Variants in DLEU7 observed in about 807,000 individuals in gnomAD.
DLEU7 encodes the protein deleted in lymphocytic leukemia 7.
In DLEU7, 17 loss-of-function variants were observed where a neutral mutation model predicts 16.0. The ratio of observed to expected loss-of-function variants is 1.06; its 90% confidence interval spans 0.73 to 1.59. DLEU7 has a LOEUF of 1.59. Ranked by LOEUF, DLEU7 falls within the 40% of genes most tolerant of loss-of-function variation. DLEU7 has a pLI of 0.00. For missense variants in DLEU7, 308 were observed against 314.9 expected (o/e 0.98, Z 0.17); for synonymous variants, 113 against 139.8 (o/e 0.81, Z 1.35).
downstream of DLEU7, among the ~76,000 whole-genome samples, chr13:50,818,995 TATG>T (rs1368586612): frequency 6.6e-6 from 1 of 152,182 alleles, no homozygotes; most frequent in African/African-American, 2.4e-5. Context: ...TATTGCAATA[TATG>T]ATAATATTCA....
At chr13:50,825,824 C>T (rs1339379529) in intron 1 of DLEU7, among the ~76,000 whole-genome samples, 3 of 152,200 alleles carry the variant, frequency 2.0e-5, no homozygotes, top group Non-Finnish European at 4.4e-5. Context: ...TTAACAGGAA[C>T]ACCTAGTGCT....
At chr13:50,802,635 T>G (rs1467555215) in intron 1 of DLEU7, among the ~76,000 whole-genome samples, 1 of 152,230 alleles carries the variant, frequency 6.6e-6, no homozygotes, top group African/African-American at 2.4e-5. Flanking sequence ...TTATTTAATT[T>G]TGAATAGGTC....
chr13:50,725,221 G>A (rs1025097768), intron 1 of DLEU7, among the ~76,000 whole-genome samples: 14 of 152,134 alleles, frequency 9.2e-5, no homozygotes, highest in African/African-American at 3.1e-4. Flanking sequence ...AGGGAATCCA[G>A]GTCCCAATCT....
At chr13:50,803,554 T>A (rs1033151083) in intron 1 of DLEU7, among the ~76,000 whole-genome samples, 4 of 152,112 alleles carry the variant, frequency 2.6e-5, no homozygotes, top group African/African-American at 9.7e-5. Context: ...AATTATAAAA[T>A]ACACACCAGA....
intron 1 of DLEU7, among the ~76,000 whole-genome samples, chr13:50,760,608 C>T (rs1874899421): frequency 6.6e-6 from 1 of 152,238 alleles, no homozygotes; most frequent in African/African-American, 2.4e-5. Flanking sequence ...AGTGATCCTT[C>T]TGCCGTGGCT....
At chr13:50,724,858 T>C (rs1873724186) in intron 1 of DLEU7, among the ~76,000 whole-genome samples, 1 of 152,164 alleles carries the variant, frequency 6.6e-6, no homozygotes, top group Admixed American at 6.5e-5. Flanking sequence ...AGAGTGACTC[T>C]GAGGGTCCCA....
chr13:50,719,334 A>G (rs943689527), intron 1 of DLEU7, among the ~76,000 whole-genome samples: 9 of 152,222 alleles, frequency 5.9e-5, no homozygotes, highest in African/African-American at 1.4e-4. Flanking sequence ...GAGTGGAAAT[A>G]TACTTATATG....
chr13:50,734,104 G>A (rs1176185986), intron 1 of DLEU7, among the ~76,000 whole-genome samples: 5 of 152,278 alleles, frequency 3.3e-5, no homozygotes, highest in Non-Finnish European at 5.9e-5. Flanking sequence ...TTTGAACAAG[G>A]AGTTCCACAT....
intron 1 of DLEU7, among the ~76,000 whole-genome samples, chr13:50,829,687 C>T (rs1014043170): frequency 6.6e-6 from 1 of 152,138 alleles, no homozygotes; most frequent in Non-Finnish European, 1.5e-5. Flanking sequence ...TACAGTATTT[C>T]CTTTTTATCC....
At chr13:50,818,626 T>G (rs966130009), downstream of DLEU7, 6 of 152,184 alleles carry the variant, frequency 3.9e-5, no homozygotes, top group African/African-American at 1.4e-4. Flanking sequence ...TGCAACAGAT[T>G]ACGGCAAACT....
intron 1 of DLEU7, chr13:50,719,860 T>G (rs1323045736): frequency 6.6e-6 from 1 of 152,200 alleles, no homozygotes; most frequent in Admixed American, 6.5e-5. Flanking sequence ...AAAGTATCTT[T>G]TACAGTCTCT....
chr13:50,832,758 C>G (rs1363198839), intron 1 of DLEU7, among the ~76,000 whole-genome samples: 1 of 152,188 alleles, frequency 6.6e-6, no homozygotes, highest in African/African-American at 2.4e-5. Flanking sequence ...CATTCAGGAG[C>G]CAGTTGTTCA....
At chr13:50,747,814 T>C (rs374807421) in intron 1 of DLEU7, among the ~76,000 whole-genome samples, 1 of 152,208 alleles carries the variant, frequency 6.6e-6, no homozygotes, top group Admixed American at 6.5e-5. Flanking sequence ...AAACAACCAA[T>C]TGCCAACTCT....
chr13:50,768,538 G>T (rs1875192635), intron 1 of DLEU7, among the ~76,000 whole-genome samples: 1 of 150,960 alleles, frequency 6.6e-6, no homozygotes, highest in African/African-American at 2.4e-5. Flanking sequence ...TGCGGTGTTT[G>T]GTTTTCTGTC....
At chr13:50,817,901 TCAAGA>T (rs143437334), downstream of DLEU7, among the ~76,000 whole-genome samples, 30,540 of 151,874 alleles carry the variant, frequency 0.2, 3,740 homozygotes, top group Non-Finnish European at 0.28. Flanking sequence ...GGAGAGCATC[TCAAGA>T]CAAGAGAAGG....
chr13:50,747,010 C>A (rs17074873), intron 1 of DLEU7, among the ~76,000 whole-genome samples: 2,322 of 152,146 alleles, frequency 0.015, 65 homozygotes, highest in African/African-American at 0.054. Context: ...GAAAAATAAA[C>A]CCTAAAATTA....
intron 1 of DLEU7, among the ~76,000 whole-genome samples, chr13:50,772,647 A>T (rs1875354594): frequency 6.6e-6 from 1 of 152,278 alleles, no homozygotes; most frequent in African/African-American, 2.4e-5. Flanking sequence ...TGTTAGTCTG[A>T]TGGGCTTCCC....
At chr13:50,714,988 C>T (rs1021521079) in intron 1 of DLEU7, among the ~76,000 whole-genome samples, 4 of 152,194 alleles carry the variant, frequency 2.6e-5, no homozygotes, top group Non-Finnish European at 4.4e-5. Context: ...CCTAGAGGCT[C>T]TAATGAAGCA....
intron 1 of DLEU7, among the ~76,000 whole-genome samples, chr13:50,840,646 G>A (rs571975909): frequency 2.3e-4 from 35 of 152,248 alleles, no homozygotes; most frequent in African/African-American, 8.4e-4. Flanking sequence ...CAAGGGCTGG[G>A]TAAGTAAAGA....
Sources: gnomAD v4.1 joint callset for allele counts (sites outside exome capture counted in the v4.1 genomes callset) on GRCh38, gnomAD v4.1.1 for gene constraint, MANE v1.5 for transcripts, NCBI Gene and HGNC (gene_info 2026-07-23, HGNC 2026-07-21) for gene names.